The following SLC25A33 variants were observed in gnomAD, a reference collection of about 807,000 sequenced individuals.
SLC25A33 encodes the protein solute carrier family 25 member 33, also known as bone marrow stromal cell mitochondrial carrier protein.
In SLC25A33, 15 loss-of-function variants were observed where a neutral mutation model predicts 35.5. The ratio of observed to expected loss-of-function variants is 0.42; its 90% CI spans 0.28 to 0.65. The LOEUF (loss-of-function observed/expected upper bound fraction) is 0.65. Ranked by LOEUF, SLC25A33 falls within the 30% of genes least tolerant of loss-of-function variation. The pLI is 0.20. For missense variants in SLC25A33, 257 were observed against 398.5 expected (o/e 0.64, Z 3.02); for synonymous variants, 136 against 148.7 (o/e 0.91, Z 0.62).
intron 3 of SLC25A33, 34 bp from the exon 4 acceptor site, chr1:9,570,224 T>G (rs1473374030): frequency 2.5e-6 from 4 of 1,581,018 alleles, no homozygotes; most frequent in South Asian, 1.1e-5. Context: ...TGCACTGTGA[T>G]GATTTCTTTA....
intron 1 of SLC25A33, among the ~76,000 whole-genome samples, chr1:9,550,011 A>ATATATATATATTTT (rs754618497): frequency 2.0e-5 from 1 of 48,860 alleles, no homozygotes; most frequent in African/African-American, 7.8e-5. Context: ...ATATATATAT[A>ATATATATATATTTT]TTTTTTTTTT....
chr1:9,576,694 G>A (rs1055781187), intron 5 of SLC25A33: 1 of 668,664 alleles, frequency 1.5e-6, no homozygotes, highest in Non-Finnish European at 2.8e-6. Flanking sequence ...GATGAGGTCT[G>A]CGTATGCTCA....
In SLC25A33 at chr1:9,577,233, G is replaced by T. The variant is rs575011171; in HGVS notation, c.483-2721G>T. Among the ~76,000 whole-genome samples, 83 of 152,188 alleles carry T rather than the reference G, an allele frequency of 5.5e-4. 1 individual carries two copies. The highest frequency in any genetic ancestry group is 2.0e-3 in the African/African-American group (82 of 41,522). ...AGTACTTTGGGAGGCCGAGGTGTGC[G>T]GATCACTTGAGCTCAGGATTTCGAG... On this transcript the variant is annotated intron_variant, in intron 5 of 6. Coordinates refer to ENST00000302692, the MANE Select transcript of SLC25A33 (RefSeq NM_032315.3).
chr1:9,580,279 C>G, intron 6 of SLC25A33, 45 bp downstream of exon 6: 1 of 1,591,106 alleles, frequency 6.3e-7, no homozygotes, highest in Non-Finnish European at 8.5e-7. Context: ...ACAGCTGTCA[C>G]GTTTGTTGTT....
chr1:9,577,588 G>C (rs1643679306), intron 5 of SLC25A33, among the ~76,000 whole-genome samples: 1 of 152,194 alleles, frequency 6.6e-6, no homozygotes. Context: ...GGAGAAGGGA[G>C]TTATGGAAGA....
At chr1:9,564,735 AAAAAAT>A (rs1643475461) in intron 2 of SLC25A33, among the ~76,000 whole-genome samples, 2 of 69,522 alleles carry the variant, frequency 2.9e-5, no homozygotes, top group South Asian at 8.1e-4. Flanking sequence ...TAAAAAAAAA[AAAAAAT>A]ATATATATAT....
chr1:9,568,937 A>G (rs1389497050), intron 3 of SLC25A33, among the ~76,000 whole-genome samples: 1 of 151,762 alleles, frequency 6.6e-6, no homozygotes, highest in Non-Finnish European at 1.5e-5. Flanking sequence ...ATTCTTCCAG[A>G]TCAGTGCTCC....
At chr1:9,556,123 C>T (rs1418302070) in intron 2 of SLC25A33, 1 of 855,810 alleles carries the variant, frequency 1.2e-6, no homozygotes, top group Non-Finnish European at 1.4e-6. Flanking sequence ...GAGTCCATGG[C>T]CCCCATCAAG....
At chr1:9,541,116 G>T (rs1643072839) in intron 1 of SLC25A33, among the ~76,000 whole-genome samples, 1 of 151,530 alleles carries the variant, frequency 6.6e-6, no homozygotes, top group African/African-American at 2.4e-5. Context: ...CGAGTAGCTG[G>T]GATTACAGGC....
At chr1:9,548,193 C>G (rs1643209004) in intron 1 of SLC25A33, among the ~76,000 whole-genome samples, 1 of 152,060 alleles carries the variant, frequency 6.6e-6, no homozygotes, top group Non-Finnish European at 1.5e-5. Context: ...AAACTTTAAT[C>G]ATACACTGCT....
rs910710010 is a variant in SLC25A33, at chr1:9,550,313, G to A, written c.57-3313G>A. ...CTGTTACTAGGGCATTTGCTTTTTT[G>A]GACGAACACACCATCCTTTGATCAG... On this transcript the variant is annotated intron_variant, in intron 1 of 6. Coordinates refer to ENST00000302692, the MANE Select transcript of SLC25A33 (RefSeq NM_032315.3). Among the ~76,000 whole-genome samples the A allele has an allele frequency of 1.3e-5, 2 of 151,052 alleles. 1 individual carries two copies. Among genetic ancestry groups the A allele is most frequent in the African/African-American group, 4.9e-5 (2 of 41,120 alleles).
intron 2 of SLC25A33, among the ~76,000 whole-genome samples, chr1:9,558,412 G>A (rs1477886695): frequency 2.0e-5 from 3 of 152,308 alleles, no homozygotes; most frequent in Middle Eastern, 3.4e-3. Context: ...TCCTGTGGGC[G>A]CACTTAGTTT....
chr1:9,582,321 G>C lies in SLC25A33; in HGVS notation c.786G>C (p.Arg262=), dbSNP rs1359702730. 6.2e-7 allele frequency: 1 copy of C among 1,613,866 alleles called. No homozygotes were observed. The highest frequency in any genetic ancestry group is 8.5e-7 in the Non-Finnish European group (1 of 1,179,874). ...YPHEVIRTRL[R]EEGTKYKSFV... The stretch of plus-strand genomic sequence containing the variant: ...CAGAAGTCATAAGGACGAGGCTCCG[G>C]GAAGAGGGCACCAAGTACAAGTCTT... The change falls in exon 7 of 7, where the codon CGG becomes CGC. Residue 262 remains arginine, a synonymous_variant. Transcript: ENST00000302692. This position sits in a 1 kb window ranked among gnomAD's most constrained non-coding sequence, Gnocchi z 4.0.
chr1:9,572,158 C>G (rs1225876171), intron 4 of SLC25A33, among the ~76,000 whole-genome samples: 1 of 152,168 alleles, frequency 6.6e-6, no homozygotes, highest in East Asian at 1.9e-4. Context: ...TGATACAGAG[C>G]TCTGAGGAGG....
chr1:9,547,699 C>G (rs1262671554), intron 1 of SLC25A33, among the ~76,000 whole-genome samples: 2 of 152,028 alleles, frequency 1.3e-5, no homozygotes, highest in Admixed American at 1.3e-4. Flanking sequence ...GAGTAACCCC[C>G]CTCCCCCATT....
chr1:9,557,202 G>T (rs1255189871), intron 2 of SLC25A33, among the ~76,000 whole-genome samples: 1 of 152,126 alleles, frequency 6.6e-6, no homozygotes, highest in Admixed American at 6.5e-5. Context: ...CAAAGTGCTG[G>T]GATTACAGGC....
chr1:9,577,037 C>T, intron 5 of SLC25A33: 2 of 786,352 alleles, frequency 2.5e-6, no homozygotes, highest in South Asian at 3.0e-5. Context: ...ATTCCTAAGA[C>T]CTATTGGTGA....
chr1:9,550,750 G>A (rs892339676), intron 1 of SLC25A33, among the ~76,000 whole-genome samples: 2 of 151,936 alleles, frequency 1.3e-5, no homozygotes, highest in African/African-American at 4.8e-5. Context: ...TCAGCCCACT[G>A]CAACCTCTGC....
intron 2 of SLC25A33, among the ~76,000 whole-genome samples, chr1:9,562,311 G>T (rs1420862404): frequency 6.9e-6 from 1 of 144,134 alleles, no homozygotes; most frequent in African/African-American, 2.7e-5. Flanking sequence ...TGCAGCCACT[G>T]CACTCCAGCC....
Sources: allele counts gnomAD v4.1 joint callset (sites outside exome capture counted in the v4.1 genomes callset), GRCh38; gene constraint gnomAD v4.1.1; non-coding constraint Gnocchi (gnomAD v3.1); transcripts MANE v1.5; gene names NCBI Gene and HGNC (gene_info 2026-07-23, HGNC 2026-07-21).